The following PCDH15 variants were observed in gnomAD, a reference collection of about 807,000 sequenced individuals.
The protein encoded by PCDH15 is protocadherin-15.
In PCDH15, 129 loss-of-function variants were observed where a neutral mutation model predicts 178.5. That is an observed-to-expected ratio of 0.72 (90% CI 0.63 to 0.84). PCDH15 has a LOEUF of 0.84. PCDH15 is among the 40% of genes least tolerant of loss of function. The pLI is 0.00. For synonymous variants in PCDH15, 800 were observed against 732.0 expected (o/e 1.09, Z -1.50); for missense variants, 2,230 against 2,099.9 (o/e 1.06, Z -1.21).
intron 15 of PCDH15, among the ~76,000 whole-genome samples, chr10:54,122,474 C>G (rs947640098): frequency 6.6e-6 from 1 of 151,820 alleles, no homozygotes; most frequent in Non-Finnish European, 1.5e-5. Context: ...GAGATCTTGT[C>G]TCACCACTCC....
chr10:55,096,102 T>C (rs1237340005), intron 2 of PCDH15, among the ~76,000 whole-genome samples: 1 of 151,988 alleles, frequency 6.6e-6, no homozygotes, highest in African/African-American at 2.4e-5. Flanking sequence ...CAAAAACAAA[T>C]ACAATCCTTG....
At chr10:54,012,989 C>A (rs1317740080) in intron 20 of PCDH15, among the ~76,000 whole-genome samples, 2 of 151,702 alleles carry the variant, frequency 1.3e-5, no homozygotes, top group Non-Finnish European at 2.9e-5. Flanking sequence ...AAGCAAGGAC[C>A]AACGTTATGC....
chr10:54,483,870 A>C (rs1015068647), intron 3 of PCDH15, among the ~76,000 whole-genome samples: 2 of 151,830 alleles, frequency 1.3e-5, no homozygotes, highest in Non-Finnish European at 2.9e-5. Context: ...GAATGTTTTG[A>C]CAAATAAGGG....
At chr10:54,432,862 G>A (rs1018063270) in intron 3 of PCDH15, among the ~76,000 whole-genome samples, 1 of 151,858 alleles carries the variant, frequency 6.6e-6, no homozygotes, top group African/African-American at 2.4e-5. Flanking sequence ...TATATAACAA[G>A]CTCAAACAAC....
chr10:54,639,977 C>G (rs574829434), intron 2 of PCDH15, among the ~76,000 whole-genome samples: 1 of 152,198 alleles, frequency 6.6e-6, no homozygotes, highest in Admixed American at 6.5e-5. Flanking sequence ...TCCAGCTGAT[C>G]TGGAGGCTGA....
At chr10:54,528,733 T>C (rs768967572) in intron 2 of PCDH15, among the ~76,000 whole-genome samples, 2 of 152,084 alleles carry the variant, frequency 1.3e-5, no homozygotes, top group Non-Finnish European at 2.9e-5. Flanking sequence ...GTCTGTTATC[T>C]GTATGCTGAA....
intron 2 of PCDH15, among the ~76,000 whole-genome samples, chr10:55,149,991 G>A (rs979352803): frequency 7.9e-5 from 12 of 151,266 alleles, no homozygotes; most frequent in African/African-American, 2.9e-4. Flanking sequence ...CTTGGTGGGG[G>A]AGGGAGACAG....
intron 13 of PCDH15, among the ~76,000 whole-genome samples, chr10:54,172,627 A>G (rs896627401): frequency 6.6e-6 from 1 of 152,230 alleles, no homozygotes; most frequent in African/African-American, 2.4e-5. Context: ...ACTAAAGAAA[A>G]TAGTATAAAA....
intron 2 of PCDH15, among the ~76,000 whole-genome samples, chr10:55,328,962 A>G (rs1371897442): frequency 1.4e-5 from 2 of 141,074 alleles, no homozygotes; most frequent in African/African-American, 5.1e-5. Flanking sequence ...AATATATAAT[A>G]TGGGGATGTA....
intron 2 of PCDH15, among the ~76,000 whole-genome samples, chr10:54,942,986 G>A (rs1280287072): frequency 6.6e-6 from 1 of 151,942 alleles, no homozygotes; most frequent in East Asian, 1.9e-4. Context: ...TGAGCATAAA[G>A]CAAAGCCCCT....
chr10:54,521,577 G>A (rs2082870139), intron 3 of PCDH15, among the ~76,000 whole-genome samples: 4 of 152,062 alleles, frequency 2.6e-5, no homozygotes, highest in Admixed American at 2.6e-4. Context: ...AAAAGAGAAT[G>A]TAATATAACA....
chr10:54,333,335 T>C (rs1460142800), intron 6 of PCDH15, among the ~76,000 whole-genome samples: 1 of 152,134 alleles, frequency 6.6e-6, no homozygotes, highest in Non-Finnish European at 1.5e-5. Context: ...ATGTTGCATA[T>C]TGAAAGCCAC....
chr10:55,262,510 G>A (rs2084008), intron 1 of PCDH15, among the ~76,000 whole-genome samples: 38,887 of 151,982 alleles, frequency 0.26, 5,293 homozygotes, highest in East Asian at 0.54. Flanking sequence ...ACGCATAAGC[G>A]GCTGAATATT....
At chr10:54,754,050 G>C (rs547322753) in intron 1 of PCDH15, among the ~76,000 whole-genome samples, 58 of 151,060 alleles carry the variant, frequency 3.8e-4, no homozygotes, top group African/African-American at 1.4e-3. Flanking sequence ...GGATGGTCTC[G>C]ATCTCCTGAC....
intron 3 of PCDH15, among the ~76,000 whole-genome samples, chr10:54,516,618 C>A (rs1442809962): frequency 6.6e-6 from 1 of 152,124 alleles, no homozygotes; most frequent in Non-Finnish European, 1.5e-5. Context: ...AGAATGGAAC[C>A]AAGTTGGAAA....
chr10:55,128,264 A>C (rs995173947), intron 2 of PCDH15, among the ~76,000 whole-genome samples: 4 of 151,708 alleles, frequency 2.6e-5, no homozygotes, highest in African/African-American at 9.7e-5. Flanking sequence ...AAAGATTGGG[A>C]AAATGAGAAT....
chr10:54,502,255 A>T (rs2080763329), intron 3 of PCDH15, among the ~76,000 whole-genome samples: 1 of 152,164 alleles, frequency 6.6e-6, no homozygotes, highest in Non-Finnish European at 1.5e-5. Context: ...ATTCATATAC[A>T]AAAATGTTTA....
At chr10:55,423,463 A>T (rs1318446870) in intron 2 of PCDH15, among the ~76,000 whole-genome samples, 2 of 152,034 alleles carry the variant, frequency 1.3e-5, no homozygotes, top group Non-Finnish European at 2.9e-5. Context: ...AATGAAACAA[A>T]TGGTTGAGGA....
chr10:55,155,836 T>C (rs1591949222), intron 2 of PCDH15, among the ~76,000 whole-genome samples: 1 of 152,072 alleles, frequency 6.6e-6, no homozygotes, highest in African/African-American at 2.4e-5. Flanking sequence ...TAATGTTTTG[T>C]AAAACCAGCT....
Sources: allele counts gnomAD v4.1 joint callset (sites outside exome capture counted in the v4.1 genomes callset), GRCh38; gene constraint gnomAD v4.1.1; transcripts MANE v1.5; gene names NCBI Gene and HGNC (gene_info 2026-07-23, HGNC 2026-07-21).